The following IQGAP2 variants were observed in gnomAD, a reference collection of about 807,000 sequenced individuals.
IQGAP2 encodes the protein IQ motif containing GTPase activating protein 2, also known as ras GTPase-activating-like protein IQGAP2.
IQGAP2 carries 173 observed loss-of-function variants against 201.3 expected under a neutral mutation model. The observed-to-expected ratio is 0.86, with a 90% CI of 0.76 to 0.98. IQGAP2 has a LOEUF of 0.98. Among genes scored for constraint, IQGAP2 ranks in the 50% least tolerant of loss-of-function variants. IQGAP2 has a pLI of 0.00. For missense variants in IQGAP2, 1,687 were observed against 1,864.8 expected (o/e 0.90, Z 1.76); for synonymous variants, 675 against 673.9 (o/e 1.00, Z -0.03).
chr5:76,477,211 C>T (rs1755486418), intron 2 of IQGAP2, among the ~76,000 whole-genome samples: 1 of 152,030 alleles, frequency 6.6e-6, no homozygotes, highest in African/African-American at 2.4e-5. Flanking sequence ...CATGGTGGTG[C>T]ACGCCTGTAG....
intron 13 of IQGAP2, among the ~76,000 whole-genome samples, chr5:76,613,646 G>A (rs988819379): frequency 2.0e-5 from 3 of 152,056 alleles, no homozygotes; most frequent in African/African-American, 7.2e-5. Flanking sequence ...GTATTATTGT[G>A]GGCACCTATG....
intron 28 of IQGAP2, among the ~76,000 whole-genome samples, chr5:76,678,565 G>A (rs1375353685): frequency 6.6e-6 from 1 of 152,172 alleles, no homozygotes; most frequent in African/African-American, 2.4e-5. Flanking sequence ...TTGAAGCAAG[G>A]TCCTGGGGAT....
intron 2 of IQGAP2, among the ~76,000 whole-genome samples, chr5:76,517,038 A>T (rs988284849): frequency 2.6e-5 from 4 of 152,176 alleles, no homozygotes; most frequent in Admixed American, 2.6e-4. Flanking sequence ...ACAGTCGGTA[A>T]GAGAGCTATC....
At chr5:76,640,256 A>G (rs1197047009) in intron 16 of IQGAP2, among the ~76,000 whole-genome samples, 24 of 152,186 alleles carry the variant, frequency 1.6e-4, no homozygotes, top group Non-Finnish European at 3.5e-4. Flanking sequence ...GTACTAGATA[A>G]GAGTCATCAG....
chr5:76,600,587 C>T (rs1747363182), intron 10 of IQGAP2, among the ~76,000 whole-genome samples: 2 of 152,124 alleles, frequency 1.3e-5, no homozygotes, highest in African/African-American at 4.8e-5. Context: ...CGTAACTTTT[C>T]ATTGTAATCA....
chr5:76,559,431 G>C (rs1482317363), intron 2 of IQGAP2, among the ~76,000 whole-genome samples: 4 of 152,178 alleles, frequency 2.6e-5, no homozygotes, highest in African/African-American at 9.7e-5. Context: ...GAGGCTGCCA[G>C]GAGCTCCCTG....
chr5:76,418,897 C>T (rs532472074), intron 1 of IQGAP2, among the ~76,000 whole-genome samples: 1 of 152,198 alleles, frequency 6.6e-6, no homozygotes, highest in African/African-American at 2.4e-5. Flanking sequence ...GTGTCAACAG[C>T]GGGCCAGCCT....
intron 2 of IQGAP2, among the ~76,000 whole-genome samples, chr5:76,531,961 C>T (rs777378393): frequency 6.6e-5 from 10 of 152,310 alleles, no homozygotes; most frequent in African/African-American, 1.2e-4. Context: ...TGTCTGCTCA[C>T]GTAATCTCAC....
At chr5:76,692,084 T>C (rs757736818) in intron 30 of IQGAP2, among the ~76,000 whole-genome samples, 1 of 152,312 alleles carries the variant, frequency 6.6e-6, no homozygotes, top group Admixed American at 6.5e-5. Context: ...TAGACCAGTG[T>C]ATGTATAATT....
At position 76,639,629 on chromosome 5, in the gene IQGAP2, A is replaced by G. The variant is rs191760574; in HGVS notation, c.1924-1304A>G. On this transcript the variant is annotated intron_variant, in intron 16 of 35. Transcript: ENST00000274364. ...CTATTTTGGGAAAAAACAAGAACAC[A>G]TATCTTATAGAATCGTTAAAAGTCA... Among the ~76,000 whole-genome samples, 5 of 152,366 alleles carry G rather than the reference A, an allele frequency of 3.3e-5. No homozygotes were observed. In the East Asian group the frequency reaches 7.7e-4, roughly 23 times the overall value.
At chr5:76,493,789 T>C (rs1756711816) in intron 2 of IQGAP2, among the ~76,000 whole-genome samples, 1 of 152,232 alleles carries the variant, frequency 6.6e-6, no homozygotes, top group Non-Finnish European at 1.5e-5. Flanking sequence ...GTAATTTATT[T>C]GCTCTTACTA....
chr5:76,606,091 A>G (rs765963022), intron 11 of IQGAP2, 88 bp from the exon 12 acceptor site: 27 of 1,174,934 alleles, frequency 2.3e-5, no homozygotes, highest in South Asian at 3.6e-5. Flanking sequence ...CATAACAACT[A>G]TGTTTGACCA....
At chr5:76,635,671 A>G (rs1381199313) in intron 15 of IQGAP2, among the ~76,000 whole-genome samples, 1 of 152,046 alleles carries the variant, frequency 6.6e-6, no homozygotes, top group East Asian at 1.9e-4. Flanking sequence ...GGCAAAACCC[A>G]TCTCTACAAA....
At chr5:76,680,794 T>TAAA (rs755958579) in intron 28 of IQGAP2, among the ~76,000 whole-genome samples, 3 of 115,512 alleles carry the variant, frequency 2.6e-5, no homozygotes, top group African/African-American at 6.6e-5. Flanking sequence ...TTGTCTCATT[T>TAAA]AAAAAAAAAA....
At chr5:76,682,106 G>T (rs186976760) in intron 28 of IQGAP2, among the ~76,000 whole-genome samples, 14 of 152,230 alleles carry the variant, frequency 9.2e-5, no homozygotes, top group African/African-American at 3.1e-4. Context: ...ATCTTTTAGG[G>T]CAGTGAAACT....
In IQGAP2 at chr5:76,707,316, T is replaced by G. The variant is rs1390827174; in HGVS notation, c.*3T>G. 3 of 1,286,246 alleles carry G rather than the reference T, an allele frequency of 2.3e-6. No individual in the cohort carries two copies. The highest frequency in any genetic ancestry group is 1.5e-5 in the African/African-American group (1 of 68,362). The allele number at this position is 1,286,246 out of a possible 1,614,324, so 79.7% of individuals were successfully genotyped here. ...ACAAGAAGTTCTATGGAAAGTGAAG[T>G]GCCTACAGAAATTTCTTGGATTCTG... On this transcript the variant is annotated 3_prime_UTR_variant, in exon 36 of 36. Coordinates refer to ENST00000274364, the MANE Select transcript of IQGAP2 (RefSeq NM_006633.5).
At chr5:76,599,465 G>A (rs1747277239) in intron 10 of IQGAP2, among the ~76,000 whole-genome samples, 1 of 152,036 alleles carries the variant, frequency 6.6e-6, no homozygotes, top group African/African-American at 2.4e-5. Context: ...CCTTTTTGCT[G>A]TAAACCAATT....
intron 30 of IQGAP2, among the ~76,000 whole-genome samples, chr5:76,693,047 T>C (rs993591306): frequency 6.6e-6 from 1 of 152,208 alleles, no homozygotes; most frequent in African/African-American, 2.4e-5. Flanking sequence ...CATCAAAAAG[T>C]AGTCTCCGTC....
chr5:76,604,473 T>C (rs1279347728), intron 11 of IQGAP2, among the ~76,000 whole-genome samples: 1 of 152,208 alleles, frequency 6.6e-6, no homozygotes, highest in Non-Finnish European at 1.5e-5. Context: ...TAGAATGATT[T>C]ATAATCATAT....
Sources: gnomAD v4.1 joint callset for allele counts (sites outside exome capture counted in the v4.1 genomes callset) on GRCh38, gnomAD v4.1.1 for gene constraint, MANE v1.5 for transcripts, NCBI Gene and HGNC (gene_info 2026-07-23, HGNC 2026-07-21) for gene names.